Variants in KLHDC2 observed in about 807,000 individuals in gnomAD.
KLHDC2 encodes the protein kelch domain containing 2, also known as kelch domain-containing protein 2.
In KLHDC2, 38 loss-of-function variants were observed where a neutral mutation model predicts 62.3. The observed-to-expected ratio is 0.61, with a 90% CI of 0.47 to 0.80. KLHDC2 has a LOEUF of 0.80. KLHDC2 is among the 30% of genes least tolerant of loss of function. KLHDC2 has a pLI of 0.00. For missense variants in KLHDC2, 430 were observed against 495.3 expected (o/e 0.87, Z 1.25); for synonymous variants, 159 against 161.0 (o/e 0.99, Z 0.09).
Position 49,784,428 on chromosome 14 carries a change from A to G in KLHDC2, c.*1475A>G. 2.1e-6 allele frequency: 1 copy of G among 469,306 alleles called. No homozygotes were observed. The highest frequency in any genetic ancestry group is 3.8e-6 in the Non-Finnish European group (1 of 265,142). The allele number at this position is 469,306 out of a possible 1,614,324, so 29.1% of individuals were successfully genotyped here. ...TATTAATTAGCATTTAACTGTCCACAAATACTTTTGGAAATCCTATCATAG... is the reference window on the plus strand; with the variant it reads ...TATTAATTAGCATTTAACTGTCCACGAATACTTTTGGAAATCCTATCATAG... On this transcript the variant is annotated 3_prime_UTR_variant, in exon 13 of 13. Transcript: ENST00000298307.
intron 3 of KLHDC2, 82 bp downstream of exon 3, chr14:49,774,760 C>T (rs1438575861): frequency 3.5e-6 from 3 of 846,384 alleles, no homozygotes; most frequent in Non-Finnish European, 6.1e-6. Flanking sequence ...AAGGTTAGCC[C>T]CAGACTTATT....
chr14:49,772,439 T>G (rs1889683143), intron 2 of KLHDC2, among the ~76,000 whole-genome samples: 1 of 152,234 alleles, frequency 6.6e-6, no homozygotes, highest in Admixed American at 6.5e-5. Flanking sequence ...TGACCTCCAG[T>G]TTGCCCTTTT....
intron 2 of KLHDC2, 108 bp from the exon 3 acceptor site, chr14:49,774,453 T>A (rs1889729699): frequency 1.3e-6 from 1 of 754,792 alleles, no homozygotes; most frequent in South Asian, 1.5e-5. Flanking sequence ...CTACTCTGCC[T>A]TCTCATTTTA....
chr14:49,774,372 G>A (rs1428686366), intron 2 of KLHDC2, among the ~76,000 whole-genome samples, 189 bp from the exon 3 acceptor site: 1 of 152,206 alleles, frequency 6.6e-6, no homozygotes, highest in Non-Finnish European at 1.5e-5. Flanking sequence ...ACTGTTTGTG[G>A]AATGGGTAAA....
rs536700771 is a variant in KLHDC2 at position 49,779,598 on chromosome 14, A to G, written c.637A>G (p.Lys213Glu). Residue 213 changes from lysine (K) to glutamate (E), a missense_variant, in exon 7 of 13, where the codon AAA becomes GAA. Transcript: ENST00000298307. ...CTTGCTTATGTGCCTCTAATAGGGTAAAGCACCTTCACCTCGTGCTGCCCA... is the reference window on the plus strand; with the variant it reads ...CTTGCTTATGTGCCTCTAATAGGGTGAAGCACCTTCACCTCGTGCTGCCCA... ...FTWSQPITTG[K>E]APSPRAAHAC... 9 of 1,613,584 alleles carry G rather than the reference A, an allele frequency of 5.6e-6. No homozygotes were observed. The Admixed American group carries it at 1.0e-4, about 18-fold the overall frequency.
Position 49,782,567 on chromosome 14 carries a change from T to G in KLHDC2, c.1070T>G (p.Phe357Cys). ...RAAHSNEILIFSVQPKSLVRL... is the reference protein window; with the variant it reads ...RAAHSNEILICSVQPKSLVRL... ...GCACACAGTAATGAAATACTAATATTTTCAGTTCAACCAAAATCTCTTGTA... is the reference window on the plus strand; with the variant it reads ...GCACACAGTAATGAAATACTAATATGTTCAGTTCAACCAAAATCTCTTGTA... The change falls in exon 12 of 13, where the codon TTT (phenylalanine) becomes TGT (cysteine). Residue 357 changes from phenylalanine (F) to cysteine (C), a missense_variant. Phe to Cys is a radical substitution (Grantham distance 205). Transcript: ENST00000298307. The G allele has an allele frequency of 6.2e-7, 1 of 1,607,578 alleles. No individual in the cohort carries two copies. Among genetic ancestry groups the G allele is most frequent in the Non-Finnish European group, 8.5e-7 (1 of 1,176,014 alleles).
chr14:49,771,062 T>C (rs1889653059), intron 1 of KLHDC2, among the ~76,000 whole-genome samples: 1 of 152,018 alleles, frequency 6.6e-6, no homozygotes, highest in South Asian at 2.1e-4. Flanking sequence ...CCCAGAGATC[T>C]CTTGGCTGGG....
rs1175193584 is a variant in KLHDC2 at position 49,785,028 on chromosome 14, A to G, written c.*2075A>G. 1 of 1,608,962 alleles carries G rather than the reference A, an allele frequency of 6.2e-7. No individual in the cohort carries two copies. Among genetic ancestry groups the G allele is most frequent in the Admixed American group, 1.7e-5 (1 of 59,966 alleles). On this transcript the variant is annotated 3_prime_UTR_variant, in exon 13 of 13. Transcript: ENST00000298307. ...AGCTGTAAATACAAAAAAGAGTAAG[A>G]ATAATCTACTGTTAAGTCACTGAAC... is the stretch of plus-strand genomic sequence containing the variant.
intron 10 of KLHDC2, among the ~76,000 whole-genome samples, chr14:49,781,330 T>C (rs1386176127): frequency 3.5e-5 from 5 of 141,320 alleles, no homozygotes; most frequent in African/African-American, 1.3e-4. Flanking sequence ...GATCGTGCCT[T>C]TGCACTCCAG....
chr14:49,770,887 T>C (rs920347371), intron 1 of KLHDC2, among the ~76,000 whole-genome samples: 6 of 152,208 alleles, frequency 3.9e-5, no homozygotes, highest in African/African-American at 1.4e-4. Flanking sequence ...GCTTAGAGAA[T>C]GGATAGGTGA....
At chr14:49,769,716 C>G (rs944495358) in intron 1 of KLHDC2, among the ~76,000 whole-genome samples, 6 of 151,908 alleles carry the variant, frequency 3.9e-5, no homozygotes, top group Admixed American at 3.9e-4. Flanking sequence ...GTAGGTGGAT[C>G]AGCTGAAGTC....
At chr14:49,768,684 C>A in intron 1 of KLHDC2, 63 bp downstream of exon 1, 1 of 1,449,408 alleles carries the variant, frequency 6.9e-7, no homozygotes, top group Non-Finnish European at 9.1e-7. Flanking sequence ...GCGTTCGCGG[C>A]CAGGCGGGGA....
At position 49,778,196 on chromosome 14, in the gene KLHDC2, G is replaced by C. The variant is rs1170061803; in HGVS notation, c.486G>C (p.Gly162=). 1 of 1,605,328 alleles carries C rather than the reference G, an allele frequency of 6.2e-7. No homozygotes were observed. Residue 162 remains glycine, a synonymous_variant, in exon 5 of 13, where the codon GGG becomes GGC. Transcript: ENST00000298307. ...CCAACAGGTTAATATTTTTTGGAGG[G>C]TATGGATATTTGCCTGAAGATAAAG... The part of the protein sequence containing the change: ...VYKNKLIFFG[G]YGYLPEDKVL...
Position 49,785,426 on chromosome 14 carries a change from T to C in KLHDC2, c.*2473T>C, listed in dbSNP as rs1594714818. Reference sequence around the variant, plus strand: ...CAACATATTTTTTATCTTTTCCTGATATACATACCATCTAAGCTGGAACAG... The same window carrying C: ...CAACATATTTTTTATCTTTTCCTGACATACATACCATCTAAGCTGGAACAG... On this transcript the variant is annotated 3_prime_UTR_variant, in exon 13 of 13. Coordinates refer to ENST00000298307, the MANE Select transcript of KLHDC2 (RefSeq NM_014315.3). The C allele has an allele frequency of 1.2e-5, 9 of 751,904 alleles. No individual in the cohort carries two copies. The Admixed American group carries it at 1.4e-4, about 12-fold the overall frequency. The allele number at this position is 751,904 out of a possible 1,614,324, so 46.6% of individuals were successfully genotyped here.
chr14:49,768,521 T>C lies in KLHDC2; in HGVS notation c.53T>C (p.Phe18Ser). Residue 18 changes from phenylalanine to serine, a missense_variant, in exon 1 of 13, where the codon TTC (phenylalanine) becomes TCC (serine). Physicochemically the swap from Phe to Ser is radical, Grantham distance 155 (BLOSUM62 -2). Coordinates refer to ENST00000298307, the MANE Select transcript of KLHDC2 (RefSeq NM_014315.3). Reference protein sequence around the residue: ...LRADDLPGPAFESYESMELAC... With the variant: ...LRADDLPGPASESYESMELAC... ...GCTGACGACTTGCCTGGGCCAGCCTTCGAGAGCTATGAGTCCATGGAGCTT... is the reference window on the plus strand; with the variant it reads ...GCTGACGACTTGCCTGGGCCAGCCTCCGAGAGCTATGAGTCCATGGAGCTT... The C allele has an allele frequency of 6.2e-7, 1 of 1,611,146 alleles. No individual in the cohort carries two copies. Among genetic ancestry groups the C allele is most frequent in the Non-Finnish European group, 8.5e-7 (1 of 1,179,010 alleles).
chr14:49,769,020 C>A (rs2139786630), intron 1 of KLHDC2: 1 of 165,390 alleles, frequency 6.0e-6, no homozygotes, highest in South Asian at 1.7e-4. Context: ...ACGAGGACTT[C>A]ACCCTCTGGA....
At chr14:49,777,987 A>G (rs1372013023) in intron 4 of KLHDC2, 33 bp downstream of exon 4, 1 of 1,341,398 alleles carries the variant, frequency 7.5e-7, no homozygotes, top group South Asian at 1.2e-5. Flanking sequence ...TTGGGTTTTT[A>G]TGTGTAAAGT....
At position 49,784,818 on chromosome 14, in the gene KLHDC2, T is replaced by C. The variant is rs1890084161; in HGVS notation, c.*1865T>C. On this transcript the variant is annotated 3_prime_UTR_variant, in exon 13 of 13. Transcript: ENST00000298307. ...TTCCAAACTTTTAGCTGAGATGGTT[T>C]TACTGCTTCTAATAAGACAGCATTT... 3 of 1,400,982 alleles carry C rather than the reference T, an allele frequency of 2.1e-6. No homozygotes were observed. Among genetic ancestry groups the C allele is most frequent in the Admixed American group, 1.8e-5 (1 of 55,264 alleles). 86.8% of individuals were successfully genotyped at this position (1,400,982 alleles called of 1,614,324 possible). A position where few individuals can be genotyped will look rare whatever the true frequency, so the allele number is the denominator to read the frequency against.
At position 49,768,411 on chromosome 14, in the gene KLHDC2, GT is replaced by G. The variant is rs1282114311; in HGVS notation, c.-51del. 9.6e-6 allele frequency: 15 copies of G among 1,567,000 alleles called. No homozygotes were observed. The highest frequency in any genetic ancestry group is 8.2e-5 in the South Asian group (7 of 85,800). On this transcript the variant is annotated 5_prime_UTR_variant, in exon 1 of 13. Coordinates refer to ENST00000298307, the MANE Select transcript of KLHDC2 (RefSeq NM_014315.3). ...CTGTGCATTTCTCTCCTTTTCCTTT[GT>G]TTTTTTGGCCCCTCGCGGGTGTGGG...
Sources: gnomAD v4.1 joint callset for allele counts (sites outside exome capture counted in the v4.1 genomes callset) on GRCh38, gnomAD v4.1.1 for gene constraint, MANE v1.5 for transcripts, NCBI Gene and HGNC (gene_info 2026-07-23, HGNC 2026-07-21) for gene names.